The following MARK2 variants were observed in gnomAD, a reference collection of about 807,000 sequenced individuals.
The protein encoded by MARK2 is microtubule affinity regulating kinase 2.
A neutral mutation model predicts 89.8 loss-of-function variants in MARK2; 16 were observed. The ratio of observed to expected loss-of-function variants is 0.18; its 90% CI spans 0.12 to 0.27. The LOEUF (loss-of-function observed/expected upper bound fraction) is 0.27. Among genes scored for constraint, MARK2 ranks in the 10% least tolerant of loss-of-function variants. The pLI is 1.00. For missense variants in MARK2, 621 were observed against 1,049.9 expected (o/e 0.59, Z 5.65); for synonymous variants, 382 against 399.5 (o/e 0.96, Z 0.52).
chr11:63,839,614 C>G, intron 1 of MARK2, 54 bp downstream of exon 1: 1 of 1,155,046 alleles, frequency 8.7e-7, no homozygotes, highest in Non-Finnish European at 1.3e-6. Context: ...TTGCACCTTG[C>G]GGAGCCTCCT....
At chr11:63,861,326 C>T (rs1179855086) in intron 1 of MARK2, among the ~76,000 whole-genome samples, 1 of 152,042 alleles carries the variant, frequency 6.6e-6, no homozygotes, top group East Asian at 1.9e-4. Context: ...ATCCCAGCTA[C>T]TCTGGAGGCT....
intron 17 of MARK2, 42 bp downstream of exon 17, chr11:63,906,156 T>TCTGTGTC (rs1491458948): frequency 7.8e-7 from 1 of 1,275,502 alleles, no homozygotes; most frequent in African/African-American, 1.5e-5. Flanking sequence ...TGTGTGTGTG[T>TCTGTGTC]CTGTGTCCTG....
intron 1 of MARK2, among the ~76,000 whole-genome samples, chr11:63,862,943 ACTCAGATT>A (rs967511429): frequency 5.6e-4 from 85 of 152,138 alleles, no homozygotes; most frequent in African/African-American, 1.9e-3. Flanking sequence ...TAGGAAGCAA[ACTCAGATT>A]CTCTCTTACA....
intron 11 of MARK2, 115 bp downstream of exon 11, chr11:63,901,184 C>T (rs1940834931): frequency 1.4e-6 from 1 of 705,726 alleles, no homozygotes. Flanking sequence ...GCTCTCTGCT[C>T]ACCAATTTTA....
At chr11:63,880,412 A>G (rs796438836) in intron 1 of MARK2, among the ~76,000 whole-genome samples, 21 of 152,300 alleles carry the variant, frequency 1.4e-4, no homozygotes, top group African/African-American at 5.1e-4. Flanking sequence ...GAGTCAGTAC[A>G]TTGGTTCAAG....
chr11:63,879,875 A>G (rs1431162012), intron 1 of MARK2, among the ~76,000 whole-genome samples: 2 of 152,132 alleles, frequency 1.3e-5, no homozygotes, highest in Non-Finnish European at 2.9e-5. Flanking sequence ...CCTCTTTGAA[A>G]CTGGAGGAGT....
chr11:63,875,824 G>A (rs1439251737), intron 1 of MARK2, among the ~76,000 whole-genome samples: 2 of 152,194 alleles, frequency 1.3e-5, no homozygotes, highest in South Asian at 4.1e-4. Context: ...CTCAGGAGCT[G>A]GAAGTGTGGC....
rs139034249 is a variant in MARK2, at chr11:63,875,914, C to T, written c.55-19245C>T. Among the ~76,000 whole-genome samples, 324 of 152,312 alleles carry T rather than the reference C, an allele frequency of 2.1e-3. 4 individuals are homozygous for T. The highest frequency in any genetic ancestry group is 7.5e-3 in the African/African-American group (311 of 41,554). On this transcript the variant is annotated intron_variant, in intron 1 of 18. Coordinates refer to ENST00000402010, the MANE Select transcript of MARK2 (RefSeq NM_001039469.3). ...CTTTGTCTCACAGCTGAAGAGGCAG[C>T]GCCCAGCTTCAGTAAGCACTGTGTA...
At chr11:63,895,686 T>TTTGA in intron 3 of MARK2, 53 bp downstream of exon 3, 1 of 1,059,840 alleles carries the variant, frequency 9.4e-7, no homozygotes, top group Non-Finnish European at 1.3e-6. Context: ...TTTTTTTTTT[T>TTTGA]GAGTCAGAGC....
intron 1 of MARK2, among the ~76,000 whole-genome samples, chr11:63,848,727 C>CTT (rs911187527): frequency 6.9e-6 from 1 of 144,850 alleles, no homozygotes; most frequent in African/African-American, 2.5e-5. Flanking sequence ...ATTTTTTGTA[C>CTT]TTTTTTTTTT....
Position 63,900,464 on chromosome 11 carries a change from C to A in MARK2, c.769-95C>A. On this transcript the variant is annotated intron_variant, in intron 8 of 18. Coordinates refer to ENST00000402010, the MANE Select transcript of MARK2 (RefSeq NM_001039469.3). This position sits in a 1 kb window ranked among gnomAD's most constrained non-coding sequence, Gnocchi z 4.7. ...TTCTTCCATATTTCATTTATGTCTG[C>A]TTTGCCAGGCTTAAGCTCTCAGGAT... The A allele has an allele frequency of 7.0e-7, 1 of 1,426,136 alleles. No homozygotes were observed. Among genetic ancestry groups the A allele is most frequent in the Non-Finnish European group, 9.6e-7 (1 of 1,039,168 alleles). 88.3% of individuals were successfully genotyped at this position (1,426,136 alleles called of 1,614,324 possible). A position where few individuals can be genotyped will look rare whatever the true frequency, so the allele number is the denominator to read the frequency against.
At chr11:63,899,622 G>A (rs1166707573) in intron 7 of MARK2, among the ~76,000 whole-genome samples, 1 of 152,170 alleles carries the variant, frequency 6.6e-6, no homozygotes, top group Non-Finnish European at 1.5e-5. Context: ...CTGAAGCTTT[G>A]CACAGCTCAC....
At chr11:63,887,440 A>G (rs1318123711) in intron 1 of MARK2, among the ~76,000 whole-genome samples, 1 of 152,254 alleles carries the variant, frequency 6.6e-6, no homozygotes, top group Non-Finnish European at 1.5e-5. Flanking sequence ...CGCTGGACAT[A>G]CAGTAGCATC....
chr11:63,871,503 G>C (rs1034080375), intron 1 of MARK2, among the ~76,000 whole-genome samples: 1 of 151,958 alleles, frequency 6.6e-6, no homozygotes, highest in Non-Finnish European at 1.5e-5. Context: ...TTCACTGTGT[G>C]CAGGTGTGGC....
intron 1 of MARK2, among the ~76,000 whole-genome samples, chr11:63,874,359 C>T (rs750430275): frequency 6.6e-6 from 1 of 152,206 alleles, no homozygotes. Context: ...TACAAATATA[C>T]CCTTAAGACA....
In MARK2 at chr11:63,903,305, C is replaced by T. The variant is rs1204837675; in HGVS notation, c.1514+147C>T. 9 of 662,214 alleles carry T rather than the reference C, an allele frequency of 1.4e-5. No homozygotes were observed. In the Admixed American group the frequency reaches 1.9e-4, roughly 14 times the overall value. 41.0% of individuals were successfully genotyped at this position (662,214 alleles called of 1,614,324 possible). The stretch of plus-strand genomic sequence containing the variant: ...TCCTGGCTGTGTCCAGTCCAGCTTT[C>T]CCCTCCCCTATTCCACGCCATTGCC... On this transcript the variant is annotated intron_variant, in intron 14 of 18. Transcript: ENST00000402010. This position sits in a 1 kb window ranked among gnomAD's most constrained non-coding sequence, Gnocchi z 5.1.
intron 11 of MARK2, 71 bp downstream of exon 11, chr11:63,901,140 T>A: frequency 1.0e-6 from 1 of 977,868 alleles, no homozygotes; most frequent in Non-Finnish European, 1.6e-6. Flanking sequence ...TTCTAACACC[T>A]GTTGAGGGCA....
Position 63,839,402 on chromosome 11 carries a change from G to A in MARK2, c.-105G>A, listed in dbSNP as rs1294220619. 6.1e-6 allele frequency: 4 copies of A among 656,514 alleles called. No homozygotes were observed. The highest frequency in any genetic ancestry group is 1.6e-5 in the South Asian group (1 of 60,860). 40.7% of individuals were successfully genotyped at this position (656,514 alleles called of 1,614,324 possible). A position where few individuals can be genotyped will look rare whatever the true frequency, so the allele number is the denominator to read the frequency against. ...CCGCACCCCCGGCCGGGGCCCATGC[G>A]GCGGGTGCTCCTGCTGTGAGAAGCC... On this transcript the variant is annotated 5_prime_UTR_variant, in exon 1 of 19. Transcript: ENST00000402010.
intron 1 of MARK2, among the ~76,000 whole-genome samples, chr11:63,886,416 C>T (rs117311150): frequency 0.014 from 2,081 of 151,710 alleles, 145 homozygotes; most frequent in Admixed American, 0.12. Context: ...AGCAACAGTG[C>T]TCAGCCCCGT....
Sources: gnomAD v4.1 joint callset for allele counts (sites outside exome capture counted in the v4.1 genomes callset) on GRCh38, gnomAD v4.1.1 for gene constraint, Gnocchi (gnomAD v3.1) non-coding constraint, MANE v1.5 for transcripts, NCBI Gene and HGNC (gene_info 2026-07-23, HGNC 2026-07-21) for gene names.